The following UNC5C variants were observed in gnomAD, a reference collection of about 807,000 sequenced individuals.
UNC5C encodes netrin receptor UNC5C.
In UNC5C, 47 loss-of-function variants were observed where a neutral mutation model predicts 99.8. That is an observed-to-expected ratio of 0.47 (90% CI 0.37 to 0.60). The LOEUF (loss-of-function observed/expected upper bound fraction) is 0.60, where lower values mean the gene tolerates loss of function less well. Ranked by LOEUF, UNC5C falls within the 20% of genes least tolerant of loss-of-function variation. The probability of loss-of-function intolerance (pLI) is 0.00; values close to 1 mark genes in which losing one functional copy is unlikely to be tolerated. For missense variants in UNC5C, 1,062 were observed against 1,165.9 expected (o/e 0.91, Z 1.30); for synonymous variants, 487 against 452.2 (o/e 1.08, Z -0.98).
chr4:95,236,954 G>T (rs114609709), intron 7 of UNC5C, among the ~76,000 whole-genome samples: 4,135 of 152,232 alleles, frequency 0.027, 74 homozygotes, highest in South Asian at 0.074. Flanking sequence ...AACCACCCCT[G>T]ACCATCGACA....
chr4:95,305,261 G>A (rs1052394641), intron 2 of UNC5C, among the ~76,000 whole-genome samples: 3 of 152,156 alleles, frequency 2.0e-5, no homozygotes, highest in Admixed American at 6.6e-5. Flanking sequence ...GAATTCCGTA[G>A]AATTGACTGC....
At chr4:95,383,536 T>C (rs994223562) in intron 1 of UNC5C, among the ~76,000 whole-genome samples, 2 of 152,202 alleles carry the variant, frequency 1.3e-5, no homozygotes, top group Non-Finnish European at 2.9e-5. Context: ...ATTATCACCT[T>C]ACTGATTCAA....
At chr4:95,211,439 T>C (rs1407302888) in intron 10 of UNC5C, among the ~76,000 whole-genome samples, 1 of 152,256 alleles carries the variant, frequency 6.6e-6, no homozygotes, top group Non-Finnish European at 1.5e-5. Flanking sequence ...TATGCTTATC[T>C]ACCTCCATTG....
chr4:95,476,777 T>C (rs77028453), intron 1 of UNC5C, among the ~76,000 whole-genome samples: 2 of 152,192 alleles, frequency 1.3e-5, no homozygotes, highest in Non-Finnish European at 2.9e-5. Context: ...TGTTTAAACT[T>C]CTTAACTCTA....
chr4:95,188,372 A>G (rs1415987943), intron 12 of UNC5C, among the ~76,000 whole-genome samples: 1 of 152,238 alleles, frequency 6.6e-6, no homozygotes, highest in African/African-American at 2.4e-5. Context: ...TGTGAGTTAA[A>G]GAGATCTCAG....
At chr4:95,379,680 T>G (rs1034725378) in intron 1 of UNC5C, among the ~76,000 whole-genome samples, 1 of 152,170 alleles carries the variant, frequency 6.6e-6, no homozygotes, top group Non-Finnish European at 1.5e-5. Flanking sequence ...CACTGATAGA[T>G]CGACCTCATT....
chr4:95,208,126 C>T (rs955717675), intron 10 of UNC5C, among the ~76,000 whole-genome samples: 3 of 152,180 alleles, frequency 2.0e-5, no homozygotes, highest in Non-Finnish European at 2.9e-5. Context: ...GCACCTTGAA[C>T]TCAACACTCA....
At chr4:95,362,385 G>A (rs1448027979) in intron 1 of UNC5C, among the ~76,000 whole-genome samples, 1 of 152,106 alleles carries the variant, frequency 6.6e-6, no homozygotes, top group Admixed American at 6.6e-5. Context: ...AAGACTGGCT[G>A]TTAGTATGAC....
chr4:95,508,896 A>G (rs1721995237), intron 1 of UNC5C, among the ~76,000 whole-genome samples: 1 of 151,934 alleles, frequency 6.6e-6, no homozygotes, highest in African/African-American at 2.4e-5. Context: ...AGAAACTATT[A>G]GAAATCTAGA....
At chr4:95,225,115 G>A (rs1223476852) in intron 7 of UNC5C, among the ~76,000 whole-genome samples, 1 of 152,154 alleles carries the variant, frequency 6.6e-6, no homozygotes, top group Non-Finnish European at 1.5e-5. Context: ...GGAGTGCAAT[G>A]GCACGATCTC....
chr4:95,213,520 C>G (rs1738146719), intron 10 of UNC5C, among the ~76,000 whole-genome samples: 1 of 152,206 alleles, frequency 6.6e-6, no homozygotes, highest in African/African-American at 2.4e-5. Context: ...CAGCTGCCAG[C>G]CTGCACTTTC....
intron 2 of UNC5C, among the ~76,000 whole-genome samples, chr4:95,325,085 A>T (rs919033219): frequency 6.6e-6 from 1 of 152,208 alleles, no homozygotes; most frequent in African/African-American, 2.4e-5. Context: ...TTAAGAGGAA[A>T]AACCATATCG....
At chr4:95,211,863 A>G (rs546764981) in intron 10 of UNC5C, among the ~76,000 whole-genome samples, 1 of 152,180 alleles carries the variant, frequency 6.6e-6, no homozygotes, top group Admixed American at 6.5e-5. Context: ...ATAAATGAAC[A>G]TTGTCAAGAA....
At chr4:95,404,348 T>TA (rs1192590173) in intron 1 of UNC5C, among the ~76,000 whole-genome samples, 1 of 151,394 alleles carries the variant, frequency 6.6e-6, no homozygotes, top group Admixed American at 6.6e-5. Flanking sequence ...AGTACTGGAT[T>TA]AAAAAAAAAT....
At chr4:95,215,269 A>T (rs751517732) in intron 10 of UNC5C, among the ~76,000 whole-genome samples, 5 of 152,234 alleles carry the variant, frequency 3.3e-5, no homozygotes, top group Admixed American at 1.3e-4. Context: ...TGAGGAGCCG[A>T]TGCTCTTCCC....
intron 3 of UNC5C, among the ~76,000 whole-genome samples, chr4:95,291,175 T>C (rs1001552961): frequency 6.6e-6 from 1 of 151,616 alleles, no homozygotes; most frequent in African/African-American, 2.4e-5. Flanking sequence ...AAAAAATCCA[T>C]ACAAGCCACT....
At position 95,242,524 on chromosome 4, in the gene UNC5C, C is replaced by G. The variant is rs1300190593; in HGVS notation, c.1013G>C (p.Arg338Thr). 5 of 1,612,992 alleles carry G rather than the reference C, an allele frequency of 3.1e-6. No individual in the cohort carries two copies. In the Admixed American group the frequency reaches 6.7e-5, roughly 22 times the overall value. ...CGTECTHWRR[R>T]ECTAPAPKNG... ...CTTGGGGGCTGGCGCCGTGCACTCC[C>G]TCCTGCGCCAGTGGGTGCACTCAGT... The change falls in exon 7 of 16, where the codon AGG (arginine) becomes ACG (threonine). Residue 338 changes from arginine (R) to threonine (T), a missense_variant. Physicochemically the swap from Arg to Thr is moderately conservative, Grantham distance 71. Coordinates refer to ENST00000453304, the MANE Select transcript of UNC5C (RefSeq NM_003728.4).
chr4:95,169,233 G>A lies in UNC5C; in HGVS notation c.*1C>T, dbSNP rs1735985389. 6.2e-7 allele frequency: 1 copy of A among 1,614,004 alleles called. No homozygotes were observed. On this transcript the variant is annotated 3_prime_UTR_variant, in exon 16 of 16. Transcript: ENST00000453304. ...CTTCATTTCCCCTTCCAGCATGGTG[G>A]TTAATACTGCCCTTCTGCTGCTAAG...
Position 95,206,748 on chromosome 4 carries a change from A to T in UNC5C, c.1782T>A (p.Cys594Ter). The T allele has an allele frequency of 6.2e-7, 1 of 1,613,534 alleles. No homozygotes were observed. The highest frequency in any genetic ancestry group is 8.5e-7 in the Non-Finnish European group (1 of 1,179,738). ...SQTLLTPVVS[C>*]GPPGALLTRP... is the part of the protein sequence containing the mutation. ...GGGTGAGCAGAGCTCCTGGGGGCCC[A>T]CAGCTCACCACAGGGGTCAAAAGTG... The change falls in exon 11 of 16, where the codon TGT becomes TGA. Residue 594 changes from cysteine to a stop codon, truncating the protein, a stop_gained. Transcript: ENST00000453304. LOFTEE classifies it high-confidence loss of function.
Sources: allele counts gnomAD v4.1 joint callset (sites outside exome capture counted in the v4.1 genomes callset), GRCh38; gene constraint gnomAD v4.1.1; transcripts MANE v1.5; gene names NCBI Gene and HGNC (gene_info 2026-07-23, HGNC 2026-07-21).